The following DISP1 variants were observed in gnomAD, a reference collection of about 807,000 sequenced individuals.
The protein encoded by DISP1 is dispatched RND transporter family member 1.
DISP1 carries 30 observed loss-of-function variants against 37.3 expected under a neutral mutation model. The observed-to-expected ratio is 0.80, with a 90% CI of 0.60 to 1.09. The LOEUF is 1.09. Among genes scored for constraint, DISP1 ranks in the 50% least tolerant of loss-of-function variants. The pLI, the probability that DISP1 is intolerant of heterozygous loss-of-function variation, is 0.00. For missense variants in DISP1, 1,598 were observed against 1,879.5 expected, an observed-to-expected ratio of 0.85 and a Z score of 2.77; for synonymous variants, 634 against 690.2, an observed-to-expected ratio of 0.92 and a Z score of 1.28.
chr1:222,867,278 T>C (rs1393488238), intron 1 of DISP1, among the ~76,000 whole-genome samples: 1 of 152,160 alleles, frequency 6.6e-6, no homozygotes, highest in Non-Finnish European at 1.5e-5. Context: ...TTTCAAGATA[T>C]GTAATAATTG....
At chr1:222,917,286 G>T (rs1241710800) in intron 1 of DISP1, among the ~76,000 whole-genome samples, 1 of 152,136 alleles carries the variant, frequency 6.6e-6, no homozygotes, top group Non-Finnish European at 1.5e-5. Flanking sequence ...GTGGCAAACT[G>T]CGGCAAGTGG....
chr1:222,817,473 G>A (rs186817596), intron 1 of DISP1, among the ~76,000 whole-genome samples: 1 of 152,262 alleles, frequency 6.6e-6, no homozygotes, highest in African/African-American at 2.4e-5. Flanking sequence ...TATATAGTAC[G>A]TTCTCAATTA....
chr1:222,958,332 G>T (rs1675782500), intron 3 of DISP1, among the ~76,000 whole-genome samples: 1 of 152,172 alleles, frequency 6.6e-6, no homozygotes, highest in African/African-American at 2.4e-5. Flanking sequence ...GCCATTGAAT[G>T]CTTAAATGGG....
intron 3 of DISP1, among the ~76,000 whole-genome samples, chr1:222,969,558 A>AATT (rs1676781063): frequency 6.6e-6 from 1 of 152,030 alleles, no homozygotes; most frequent in Non-Finnish European, 1.5e-5. Context: ...AACGTAACGT[A>AATT]GTAGTATGGT....
Position 222,853,897 on chromosome 1 carries a change from C to T in DISP1, c.-159+38819C>T, listed in dbSNP as rs369342672. ...AAATAGCTAGAAGAAGGATGTTGAGCATTCCCAACACAAAGAAATGATAAA... is the reference window on the plus strand; with the variant it reads ...AAATAGCTAGAAGAAGGATGTTGAGTATTCCCAACACAAAGAAATGATAAA... On this transcript the variant is annotated intron_variant, in intron 1 of 8. Coordinates refer to ENST00000675850, the MANE Select transcript of DISP1 (RefSeq NM_001377229.1). 9.9e-5 allele frequency among the ~76,000 whole-genome samples: 15 copies of T among 152,248 alleles called. No homozygotes were observed. In the East Asian group the frequency reaches 2.9e-3, roughly 29 times the overall value.
intron 7 of DISP1, 34 bp downstream of exon 7, chr1:222,992,144 C>A: frequency 6.7e-7 from 1 of 1,502,318 alleles, no homozygotes. Context: ...AACCACTCAG[C>A]AGTTTGCTCG....
chr1:222,936,879 GATAT>G (rs1160982066), intron 2 of DISP1, among the ~76,000 whole-genome samples: 2 of 41,380 alleles, frequency 4.8e-5, no homozygotes, highest in Non-Finnish European at 9.1e-5. Flanking sequence ...TCATATATAT[GATAT>G]ATATAATATA....
At position 222,991,592 on chromosome 1, in the gene DISP1, T is replaced by C. The variant is rs146011091; in HGVS notation, c.736T>C (p.Tyr246His). 8 of 1,613,718 alleles carry C rather than the reference T, an allele frequency of 5.0e-6. No homozygotes were observed. Among genetic ancestry groups the C allele is most frequent in the Non-Finnish European group, 6.8e-6 (8 of 1,179,804 alleles). Residue 246 changes from tyrosine to histidine, a missense_variant, in exon 6 of 9, where the codon TAC (tyrosine) becomes CAC (histidine). Physicochemically the swap from Tyr to His is moderately conservative, Grantham distance 83. Transcript: ENST00000675850. ...GAATAATATGGTGAAAAATACAGGA[T>C]ACAAAGCAACATTAGCAAATTATCC... Reference protein sequence around the residue: ...TWNNMVKNTGYKATLANYPFK... With the variant: ...TWNNMVKNTGHKATLANYPFK...
At chr1:222,910,882 C>T (rs1672170144) in intron 1 of DISP1, among the ~76,000 whole-genome samples, 1 of 152,078 alleles carries the variant, frequency 6.6e-6, no homozygotes, top group Non-Finnish European at 1.5e-5. Context: ...GGTAGTTTGG[C>T]CAGGGTTTAT....
At chr1:222,853,944 T>C (rs1200800969) in intron 1 of DISP1, among the ~76,000 whole-genome samples, 5 of 152,218 alleles carry the variant, frequency 3.3e-5, no homozygotes, top group Non-Finnish European at 7.3e-5. Flanking sequence ...ATGAATATGC[T>C]AACTACCCTC....
At chr1:222,840,557 C>CTTTT (rs71176702) in intron 1 of DISP1, among the ~76,000 whole-genome samples, 4 of 116,130 alleles carry the variant, frequency 3.4e-5, no homozygotes, top group Admixed American at 9.7e-5. Flanking sequence ...TACAGTATCT[C>CTTTT]TTTTTTTTTT....
At chr1:222,965,809 T>G (rs2789926) in intron 3 of DISP1, among the ~76,000 whole-genome samples, 148,898 of 152,162 alleles carry the variant, frequency 0.98, 72,930 homozygotes, top group East Asian at 1. Context: ...ACATTAGCCT[T>G]CAGGACAGCT....
rs751236323 is a variant in DISP1, at chr1:223,002,885, T to C, written c.1488T>C (p.Phe496=). ...GIEFGIKHSL[F]QDYLLMDTVY... Reference sequence around the variant, plus strand: ...AGTTTGGTATCAAACACAGTTTGTTTCAGGATTATCTTCTAATGGATACTG... The same window carrying C: ...AGTTTGGTATCAAACACAGTTTGTTCCAGGATTATCTTCTAATGGATACTG... The change falls in exon 9 of 9, where the codon TTT becomes TTC. Residue 496 remains phenylalanine (F), a synonymous_variant. Transcript: ENST00000675850. 6.2e-7 allele frequency: 1 copy of C among 1,614,026 alleles called. No individual in the cohort carries two copies. Among genetic ancestry groups the C allele is most frequent in the Non-Finnish European group, 8.5e-7 (1 of 1,180,046 alleles).
chr1:222,854,136 T>G (rs892203596), intron 1 of DISP1, among the ~76,000 whole-genome samples: 1 of 152,222 alleles, frequency 6.6e-6, no homozygotes, highest in African/African-American at 2.4e-5. Context: ...GAAAGAAAAC[T>G]GCAAGAGCTT....
rs1003227492 is a variant in DISP1 at position 222,893,242 on chromosome 1, A to G, written c.-158-35188A>G. Among the ~76,000 whole-genome samples the G allele has an allele frequency of 1.3e-5, 2 of 152,324 alleles. No homozygotes were observed. The highest frequency in any genetic ancestry group is 2.1e-4 in the South Asian group (1 of 4,824). ...ACTTTAGTGGTTTTCTATTAAATGG[A>G]TAATAACCCTATCATGGAAAAATTA... On this transcript the variant is annotated intron_variant, in intron 1 of 8. Transcript: ENST00000675850. This position sits in a 1 kb window ranked among gnomAD's most constrained non-coding sequence, Gnocchi z 4.3.
chr1:222,943,929 T>C (rs1264241498), intron 3 of DISP1, among the ~76,000 whole-genome samples: 2 of 151,682 alleles, frequency 1.3e-5, no homozygotes, highest in Non-Finnish European at 2.9e-5. Flanking sequence ...ACTCAGGAGG[T>C]TGAGGCAGGA....
chr1:222,862,593 T>A (rs953484752), intron 1 of DISP1, among the ~76,000 whole-genome samples: 1 of 150,688 alleles, frequency 6.6e-6, no homozygotes, highest in Non-Finnish European at 1.5e-5. Flanking sequence ...CCAGGCTAGG[T>A]GCTATCGTGA....
At chr1:222,872,514 G>A (rs1669651390) in intron 1 of DISP1, 1 of 151,840 alleles carries the variant, frequency 6.6e-6, no homozygotes, top group South Asian at 2.1e-4. Context: ...TTTAGTCTTG[G>A]GAGAGTGTAT....
chr1:222,928,621 A>G (rs1371725569), intron 2 of DISP1, 51 bp downstream of exon 2: 3 of 152,138 alleles, frequency 2.0e-5, no homozygotes, highest in African/African-American at 4.8e-5. Context: ...AATGTGTGTG[A>G]ATTTGTTATT....
Sources: allele counts gnomAD v4.1 joint callset (sites outside exome capture counted in the v4.1 genomes callset), GRCh38; gene constraint gnomAD v4.1.1; non-coding constraint Gnocchi (gnomAD v3.1); transcripts MANE v1.5; gene names NCBI Gene and HGNC (gene_info 2026-07-23, HGNC 2026-07-21).